MCM3AP: variants seen among roughly 807,000 people sequenced by gnomAD.
MCM3AP encodes the protein germinal-center associated nuclear protein.
MCM3AP carries 126 observed loss-of-function variants against 184.1 expected under a neutral mutation model. The observed-to-expected ratio is 0.68, with a 90% CI of 0.59 to 0.79. MCM3AP has a LOEUF of 0.79. Ranked by LOEUF, MCM3AP falls within the 30% of genes least tolerant of loss-of-function variation. The probability of loss-of-function intolerance (pLI) is 0.00; values close to 1 mark genes in which losing one functional copy is unlikely to be tolerated. For synonymous variants in MCM3AP, 1,002 were observed against 979.3 expected (o/e 1.02, Z -0.43); for missense variants, 2,496 against 2,479.2 (o/e 1.01, Z -0.14).
chr21:46,255,915 G>A (rs749683435), intron 17 of MCM3AP, among the ~76,000 whole-genome samples: 1 of 152,160 alleles, frequency 6.6e-6, no homozygotes, highest in African/African-American at 2.4e-5. Context: ...GGTCAGAGGA[G>A]CCAGGCCCAG....
At chr21:46,281,005 C>T (rs1310237121) in intron 2 of MCM3AP, among the ~76,000 whole-genome samples, 2 of 152,146 alleles carry the variant, frequency 1.3e-5, no homozygotes, top group East Asian at 1.9e-4. Flanking sequence ...GGGGTTTCAC[C>T]GTGTTAGCCA....
Position 46,256,841 on chromosome 21 carries a change from T to C in MCM3AP, c.3880A>G (p.Arg1294Gly). ...GCATGGCCCAGGTCCAGGAGGCCCC[T>C]GGCCAGGTTCTCTTCAGCAATGGGG... ...ECPIAEENLA[R>G]GLLDLGHAGR... The change falls in exon 17 of 28, where the codon AGG becomes GGG. Residue 1294 changes from arginine (R) to glycine (G), a missense_variant. Transcript: ENST00000291688. The C allele has an allele frequency of 6.4e-7, 1 of 1,571,900 alleles. No individual in the cohort carries two copies. The highest frequency in any genetic ancestry group is 8.6e-7 in the Non-Finnish European group (1 of 1,158,414).
intron 10 of MCM3AP, chr21:46,266,729 GGTTTGTCAGCAA>G (rs17182802): frequency 2.0e-6 from 1 of 503,438 alleles, no homozygotes; most frequent in Non-Finnish European, 3.5e-6. Context: ...TTTATCTTTA[GGTTTGTCAGCAA>G]GTCATGAAAA....
Position 46,280,123 on chromosome 21 carries a change from G to A in MCM3AP, c.1537C>T (p.Pro513Ser). The change falls in exon 4 of 28, where the codon CCC becomes TCC. Residue 513 changes from proline (P) to serine (S), a missense_variant. Pro to Ser is a moderately conservative substitution (Grantham distance 74). Around this residue, in one of 5 missense-constraint regions of MCM3AP, gnomAD observed 800 missense variants for 717.1 expected, o/e 1.12. Coordinates refer to ENST00000291688, the MANE Select transcript of MCM3AP (RefSeq NM_003906.5). ...HRKKISPNKK[P>S]FSLKEKKPGD... is the part of the protein sequence containing the mutation. ...GGTTTCTTCTCCTTCAGGGAAAAGGGTTTCTTATTGGGGCCTGTGGACATA... is the reference window on the plus strand; with the variant it reads ...GGTTTCTTCTCCTTCAGGGAAAAGGATTTCTTATTGGGGCCTGTGGACATA... The A allele has an allele frequency of 6.2e-7, 1 of 1,614,162 alleles. No homozygotes were observed. Among genetic ancestry groups the A allele is most frequent in the Non-Finnish European group, 8.5e-7 (1 of 1,180,020 alleles).
At chr21:46,259,230 TG>T in intron 15 of MCM3AP, 139 bp from the exon 16 acceptor site, 1 of 726,220 alleles carries the variant, frequency 1.4e-6, no homozygotes, top group South Asian at 2.0e-5. Flanking sequence ...CCGAAGCGGG[TG>T]GATCATGAGG....
chr21:46,284,414 C>T lies in MCM3AP; in HGVS notation c.873G>A (p.Leu291=). ...VEPLPSLMKG[L]KRKEDQDRSP... is the part of the protein sequence containing the mutation. ...AGCGATCCTGGTCCTCCTTCCTTTT[C>T]AGTCCTTTCATTAGGCTGGGAAGTG... The change falls in exon 1 of 28, where the codon CTG becomes CTA. Residue 291 remains leucine (L), a synonymous_variant. Transcript: ENST00000291688. 6.2e-7 allele frequency: 1 copy of T among 1,614,148 alleles called. No individual in the cohort carries two copies. Among genetic ancestry groups the T allele is most frequent in the Non-Finnish European group, 8.5e-7 (1 of 1,180,024 alleles).
At position 46,251,552 on chromosome 21, in the gene MCM3AP, T is replaced by G. The variant is rs778035185; in HGVS notation, c.4267A>C (p.Ile1423Leu). The G allele has an allele frequency of 6.2e-7, 1 of 1,610,592 alleles. No homozygotes were observed. The highest frequency in any genetic ancestry group is 1.3e-5 in the African/African-American group (1 of 74,862). The change falls in exon 20 of 28, where the codon ATT becomes CTT. Residue 1423 changes from isoleucine (I) to leucine (L), a missense_variant. Ile to Leu is a conservative substitution (Grantham distance 5, BLOSUM62 2). Around this residue, in one of 5 missense-constraint regions of MCM3AP, gnomAD observed 1,323 missense variants for 1,273.4 expected, o/e 1.04. Coordinates refer to ENST00000291688, the MANE Select transcript of MCM3AP (RefSeq NM_003906.5). ...NSLSSKGDQM[I>L]SVNVCIKVAH... ...ACCTTTATACACACGTTAACAGAAA[T>G]CATCTGATCCCCTTTGCTGCTAAGT...
At chr21:46,248,003 G>C (rs2080803806) in intron 20 of MCM3AP, among the ~76,000 whole-genome samples, 3 of 152,172 alleles carry the variant, frequency 2.0e-5, no homozygotes, top group South Asian at 2.1e-4. Flanking sequence ...GCCAGCAGCA[G>C]ATGAGGGATT....
At chr21:46,269,853 C>G (rs1356064142) in intron 9 of MCM3AP, among the ~76,000 whole-genome samples, 2 of 152,206 alleles carry the variant, frequency 1.3e-5, no homozygotes, top group Non-Finnish European at 2.9e-5. Context: ...GTCCTCATCC[C>G]CAAGTTCCGT....
At chr21:46,240,127 A>G (rs1036735005) in intron 26 of MCM3AP, among the ~76,000 whole-genome samples, 1 of 152,076 alleles carries the variant, frequency 6.6e-6, no homozygotes, top group African/African-American at 2.4e-5. Flanking sequence ...GTAGCACGAG[A>G]GAGATACTCA....
Position 46,259,034 on chromosome 21 carries a change from A to G in MCM3AP, c.3639T>C (p.Cys1213=), listed in dbSNP as rs754316227. Residue 1213 remains cysteine (C), a synonymous_variant, in exon 16 of 28, where the codon TGT becomes TGC. Coordinates refer to ENST00000291688, the MANE Select transcript of MCM3AP (RefSeq NM_003906.5). ...VRVARCCEDV[C]AHLVDLFLVE... Reference sequence around the variant, plus strand: ...CGAGAAACAAGTCCACTAAGTGGGCACAGACATCCTCACAGCAACGGGCCA... The same window carrying G: ...CGAGAAACAAGTCCACTAAGTGGGCGCAGACATCCTCACAGCAACGGGCCA... 6 of 1,614,194 alleles carry G rather than the reference A, an allele frequency of 3.7e-6. No homozygotes were observed. In the East Asian group the frequency reaches 1.3e-4, roughly 36 times the overall value.
Position 46,285,148 on chromosome 21 carries a change from C to T in MCM3AP, c.139G>A (p.Gly47Arg), listed in dbSNP as rs757609105. Residue 47 changes from glycine (G) to arginine (R), a missense_variant, in exon 1 of 28, where the codon GGG (glycine) becomes AGG (arginine). Gly to Arg is a moderately radical substitution (Grantham distance 125, BLOSUM62 -2). Around this residue, in one of 5 missense-constraint regions of MCM3AP, gnomAD observed 800 missense variants for 717.1 expected, o/e 1.12. Transcript: ENST00000291688. Reference sequence around the variant, plus strand: ...ACCTGTGAAAATCCCGAGCTCTTCCCAGATAAGGTACTGTTTTGTCCAAAA... The same window carrying T: ...ACCTGTGAAAATCCCGAGCTCTTCCTAGATAAGGTACTGTTTTGTCCAAAA... ...SLFGQNSTLS[G>R]KSSGFSQVSS... The T allele has an allele frequency of 6.8e-6, 11 of 1,614,158 alleles. No homozygotes were observed. Among genetic ancestry groups the T allele is most frequent in the Non-Finnish European group, 8.5e-6 (10 of 1,180,020 alleles).
chr21:46,276,265 A>G (rs762790019), intron 5 of MCM3AP, among the ~76,000 whole-genome samples: 4 of 142,366 alleles, frequency 2.8e-5, no homozygotes, highest in African/African-American at 5.2e-5. Context: ...CATCTCGAGG[A>G]AAAAAAAAAA....
In MCM3AP at chr21:46,261,526, A is replaced by T. The variant is rs1485863801; in HGVS notation, c.3336-115T>A. 1.7e-5 allele frequency: 15 copies of T among 883,390 alleles called. No homozygotes were observed. In the East Asian group the frequency reaches 3.7e-4, roughly 22 times the overall value. 54.7% of individuals were successfully genotyped at this position (883,390 alleles called of 1,614,324 possible). ...GAGGTGGGCGGATCACAAGGTCAGAAGATCAAGACCATTCTGGCCAACACA... is the reference window on the plus strand; with the variant it reads ...GAGGTGGGCGGATCACAAGGTCAGATGATCAAGACCATTCTGGCCAACACA... On this transcript the variant is annotated intron_variant, in intron 13 of 27. Coordinates refer to ENST00000291688, the MANE Select transcript of MCM3AP (RefSeq NM_003906.5).
At position 46,245,154 on chromosome 21, in the gene MCM3AP, G is replaced by A. The variant is rs774950928; in HGVS notation, c.4691C>T (p.Ser1564Phe). The A allele has an allele frequency of 6.2e-7, 1 of 1,614,110 alleles. No homozygotes were observed. The highest frequency in any genetic ancestry group is 8.5e-7 in the Non-Finnish European group (1 of 1,179,974). ...GAGAGTCTGGCAGCAGAGGTCAAGG[G>A]AATGGGGGCAGTGGGAAACCAGCCA... ...VQWLVSHCPH[S>F]LDLCCQTLIQ... The change falls in exon 23 of 28, where the codon TCC (serine) becomes TTC (phenylalanine). Residue 1564 changes from serine to phenylalanine, a missense_variant. Physicochemically the swap from Ser to Phe is radical, Grantham distance 155 (BLOSUM62 -2). Transcript: ENST00000291688.
At chr21:46,272,893 G>A in intron 7 of MCM3AP, 64 bp from the exon 8 acceptor site, 1 of 1,448,242 alleles carries the variant, frequency 6.9e-7, no homozygotes, top group East Asian at 2.3e-5. Flanking sequence ...CCGTGAGAAG[G>A]ATCATGCTAC....
At chr21:46,248,206 C>T (rs975633453) in intron 20 of MCM3AP, among the ~76,000 whole-genome samples, 3 of 152,060 alleles carry the variant, frequency 2.0e-5, no homozygotes, top group South Asian at 2.1e-4. Context: ...ACCCTATTGG[C>T]GGCACCCACC....
In MCM3AP at chr21:46,261,281, T is replaced by A. The variant is rs1316644100; in HGVS notation, c.3466A>T (p.Arg1156Trp). Reference sequence around the variant, plus strand: ...GCTGCATGGACAAGACACACTTACCTTTCCTCTTCAGCCCGCTGCCTCTCC... The same window carrying A: ...GCTGCATGGACAAGACACACTTACCATTCCTCTTCAGCCCGCTGCCTCTCC... ...EQERQRAEEE[R>W]LKQERELVLS... Residue 1156 changes from arginine to tryptophan, a missense_variant and splice_region_variant, in exon 14 of 28, where the codon AGG becomes TGG. Arg to Trp is a moderately radical substitution (Grantham distance 101). Coordinates refer to ENST00000291688, the MANE Select transcript of MCM3AP (RefSeq NM_003906.5). 2 of 1,613,860 alleles carry A rather than the reference T, an allele frequency of 1.2e-6. No individual in the cohort carries two copies. Among genetic ancestry groups the A allele is most frequent in the Non-Finnish European group, 1.7e-6 (2 of 1,180,016 alleles).
rs187637613 is a variant in MCM3AP, at chr21:46,285,367, G to A, written c.-81C>T. ...CTTCCTGAAACAGCCTGTAGCACTA[G>A]GGAGTTCCCCTTCGTCTTTAGAACA... On this transcript the variant is annotated 5_prime_UTR_variant, in exon 1 of 28. Coordinates refer to ENST00000291688, the MANE Select transcript of MCM3AP (RefSeq NM_003906.5). 5.0e-5 allele frequency: 44 copies of A among 882,318 alleles called. No homozygotes were observed. Among genetic ancestry groups the A allele is most frequent in the Non-Finnish European group, 3.6e-5 (20 of 551,660 alleles). 54.7% of individuals were successfully genotyped at this position (882,318 alleles called of 1,614,324 possible).
Sources: gnomAD v4.1 joint callset for allele counts (sites outside exome capture counted in the v4.1 genomes callset) on GRCh38, gnomAD v4.1.1 for gene constraint, gnomAD v4.1.1 regional missense constraint, MANE v1.5 for transcripts, NCBI Gene and HGNC (gene_info 2026-07-23, HGNC 2026-07-21) for gene names.